The following BRF1 variants were observed in gnomAD, a reference collection of about 807,000 sequenced individuals.
The protein encoded by BRF1 is BRF1 general transcription factor IIIB subunit.
Under a neutral mutation model 81.7 loss-of-function variants are expected in BRF1, and 59 were observed. That is an observed-to-expected ratio of 0.72 (90% CI 0.59 to 0.90). The LOEUF is 0.90. BRF1 is among the 40% of genes least tolerant of loss of function. BRF1 has a pLI of 0.00. For synonymous variants in BRF1, 491 were observed against 395.6 expected (o/e 1.24, Z -2.86); for missense variants, 1,050 against 936.3 (o/e 1.12, Z -1.58).
At chr14:105,243,550 T>G (rs2054867528) in intron 5 of BRF1, among the ~76,000 whole-genome samples, 1 of 146,578 alleles carries the variant, frequency 6.8e-6, no homozygotes, top group African/African-American at 2.5e-5. Flanking sequence ...CCCGGGAGGT[T>G]GAGGCTGCAG....
At chr14:105,304,114 A>C (rs2058109492), upstream of BRF1, among the ~76,000 whole-genome samples, 1 of 152,236 alleles carries the variant, frequency 6.6e-6, no homozygotes, top group Non-Finnish European at 1.5e-5. Flanking sequence ...CAGGCAGTAC[A>C]GGACAGTCAG....
rs199611132 is a variant in BRF1 at position 105,272,725 on chromosome 14, C to T, written c.435G>A (p.Thr145=). 17 of 1,605,602 alleles carry T rather than the reference C, an allele frequency of 1.1e-5. No homozygotes were observed. In the African/African-American group the frequency reaches 1.1e-4, roughly 10 times the overall value. ...GGCTCTCAAACCAAAGGATACGCGG[C>T]GTGCCCTCCGTACGGCAGACCAGGT... ...CLYLVCRTEG[T]PHMLLDLSDL... Residue 145 remains threonine (T), a synonymous_variant, in exon 3 of 18, where the codon ACG becomes ACA. Transcript: ENST00000547530.
intron 1 of BRF1, among the ~76,000 whole-genome samples, chr14:105,313,430 A>G (rs376903973): frequency 2.6e-5 from 4 of 152,358 alleles, no homozygotes; most frequent in African/African-American, 9.6e-5. Context: ...CATGGCTCTC[A>G]GTGTACCACC....
upstream of BRF1, among the ~76,000 whole-genome samples, chr14:105,302,569 T>C (rs1162875195): frequency 6.6e-6 from 1 of 151,744 alleles, no homozygotes; most frequent in East Asian, 1.9e-4. Context: ...GTTCAATGTG[T>C]TCCCTTTTTC....
Position 105,272,747 on chromosome 14 carries a change from A to T in BRF1, c.413T>A (p.Leu138Gln). The change falls in exon 3 of 18, where the codon CTG (leucine) becomes CAG (glutamine). Residue 138 changes from leucine to glutamine, a missense_variant. This residue lies in a region of BRF1 where 1,043 missense variants were observed against 915.4 expected (regional missense o/e 1.14). Transcript: ENST00000547530. Reference protein sequence around the residue: ...MAHVIAACLYLVCRTEGTPHM... With the variant: ...MAHVIAACLYQVCRTEGTPHM... ...CGGCGTGCCCTCCGTACGGCAGACC[A>T]GGTAGAGGCAGGCAGCAATCACGTG... 1.2e-6 allele frequency: 2 copies of T among 1,613,290 alleles called. No homozygotes were observed. The highest frequency in any genetic ancestry group is 1.7e-6 in the Non-Finnish European group (2 of 1,179,484).
At position 105,209,800 on chromosome 14, in the gene BRF1, G is replaced by C. The variant is rs892605645; in HGVS notation, c.*751C>G. The C allele has an allele frequency of 5.7e-6, 3 of 521,822 alleles. No homozygotes were observed. The highest frequency in any genetic ancestry group is 1.0e-5 in the Non-Finnish European group (3 of 296,964). 32.3% of individuals were successfully genotyped at this position (521,822 alleles called of 1,614,324 possible). On this transcript the variant is annotated 3_prime_UTR_variant, in exon 18 of 18. Transcript: ENST00000547530. Reference sequence around the variant, plus strand: ...CGGGTGGGCGCCGGTCTCAGCTGTCGGGCACTCAGTTCACCTGCCGGCAGC... The same window carrying C: ...CGGGTGGGCGCCGGTCTCAGCTGTCCGGCACTCAGTTCACCTGCCGGCAGC...
chr14:105,259,779 G>A (rs911677902), intron 3 of BRF1, among the ~76,000 whole-genome samples: 7 of 152,170 alleles, frequency 4.6e-5, no homozygotes, highest in African/African-American at 9.7e-5. Flanking sequence ...ACATGGTGGC[G>A]TGCCCCTGTA....
intron 5 of BRF1, chr14:105,247,001 C>T: frequency 2.0e-6 from 2 of 985,472 alleles, no homozygotes; most frequent in East Asian, 1.1e-4. Flanking sequence ...CTTTCTGTTG[C>T]TGATGGACAT....
At chr14:105,244,831 C>G (rs1486312394) in intron 5 of BRF1, among the ~76,000 whole-genome samples, 1 of 152,012 alleles carries the variant, frequency 6.6e-6, no homozygotes, top group Non-Finnish European at 1.5e-5. Context: ...ATGGAGTCAT[C>G]ATGCTTCTCC....
At chr14:105,263,561 G>A (rs900773352) in intron 3 of BRF1, among the ~76,000 whole-genome samples, 5 of 152,116 alleles carry the variant, frequency 3.3e-5, no homozygotes, top group South Asian at 2.1e-4. Context: ...TCCTTCAGCC[G>A]GGAACCAAGA....
chr14:105,290,922 A>G (rs2057481862), intron 1 of BRF1, among the ~76,000 whole-genome samples: 1 of 151,862 alleles, frequency 6.6e-6, no homozygotes, highest in Non-Finnish European at 1.5e-5. Flanking sequence ...GCACACACAC[A>G]CAGGACACAT....
chr14:105,253,867 C>T (rs1452580634), intron 4 of BRF1, among the ~76,000 whole-genome samples: 6 of 152,244 alleles, frequency 3.9e-5, no homozygotes, highest in Non-Finnish European at 8.8e-5. Flanking sequence ...GGTCTGCTCA[C>T]CAAACTGGGG....
Position 105,209,789 on chromosome 14 carries a change from T to C in BRF1, c.*762A>G. 1 of 531,248 alleles carries C rather than the reference T, an allele frequency of 1.9e-6. No homozygotes were observed. The highest frequency in any genetic ancestry group is 2.0e-5 in the African/African-American group (1 of 50,494). 32.9% of individuals were successfully genotyped at this position (531,248 alleles called of 1,614,324 possible). Reference sequence around the variant, plus strand: ...TATGCTCAGGACGGGTGGGCGCCGGTCTCAGCTGTCGGGCACTCAGTTCAC... The same window carrying C: ...TATGCTCAGGACGGGTGGGCGCCGGCCTCAGCTGTCGGGCACTCAGTTCAC... On this transcript the variant is annotated 3_prime_UTR_variant, in exon 18 of 18. Coordinates refer to ENST00000547530, the MANE Select transcript of BRF1 (RefSeq NM_001519.4).
At chr14:105,221,250 CA>C (rs1224393314) in intron 11 of BRF1, among the ~76,000 whole-genome samples, 1 of 152,196 alleles carries the variant, frequency 6.6e-6, no homozygotes, top group Non-Finnish European at 1.5e-5. Context: ...CACTATGGGG[CA>C]GGGGTGCCTC....
At chr14:105,314,725 G>C (rs2058484543) in intron 1 of BRF1, 1 of 143,572 alleles carries the variant, frequency 7.0e-6, no homozygotes, top group South Asian at 2.2e-4. Flanking sequence ...GCGGGGCGCC[G>C]GGCGGGGCGG....
At chr14:105,244,263 T>A (rs2735827) in intron 5 of BRF1, among the ~76,000 whole-genome samples, 35,699 of 151,668 alleles carry the variant, frequency 0.24, 4,559 homozygotes, top group South Asian at 0.28. Flanking sequence ...GGCAATATAG[T>A]GAGACCCCCA....
At chr14:105,264,308 C>T (rs77723736) in intron 3 of BRF1, among the ~76,000 whole-genome samples, 1,623 of 151,644 alleles carry the variant, frequency 0.011, 34 homozygotes, top group African/African-American at 0.038. Flanking sequence ...CCATTCTCTA[C>T]AAAAAATAAA....
At chr14:105,291,504 C>T (rs900434042) in intron 1 of BRF1, among the ~76,000 whole-genome samples, 2 of 151,994 alleles carry the variant, frequency 1.3e-5, no homozygotes, top group Middle Eastern at 3.2e-3. Context: ...GGCGAAACCC[C>T]GTCTCTACTA....
intron 1 of BRF1, among the ~76,000 whole-genome samples, chr14:105,299,643 AC>A (rs1470965186): frequency 6.6e-6 from 1 of 152,198 alleles, no homozygotes; most frequent in Non-Finnish European, 1.5e-5. Flanking sequence ...GCAAATAAGC[AC>A]CCTAATAAGG....
Sources: allele counts gnomAD v4.1 joint callset (sites outside exome capture counted in the v4.1 genomes callset), GRCh38; gene constraint gnomAD v4.1.1; regional missense constraint gnomAD v4.1.1; transcripts MANE v1.5; gene names NCBI Gene and HGNC (gene_info 2026-07-23, HGNC 2026-07-21).